THRAP3: variants seen among roughly 807,000 people sequenced by gnomAD.
THRAP3 encodes the protein thyroid hormone receptor-associated protein 3.
THRAP3 carries 16 observed loss-of-function variants against 101.0 expected under a neutral mutation model. That is an observed-to-expected ratio of 0.16 (90% CI 0.11 to 0.24). The LOEUF (loss-of-function observed/expected upper bound fraction) is 0.24, where lower values mean the gene tolerates loss of function less well. Ranked by LOEUF, THRAP3 falls within the 10% of genes least tolerant of loss-of-function variation. The pLI is 1.00. For missense variants in THRAP3, 989 were observed against 1,202.7 expected (o/e 0.82, Z 2.63); for synonymous variants, 407 against 422.6 (o/e 0.96, Z 0.45).
At chr1:36,243,488 A>C (rs1349041925) in intron 1 of THRAP3, among the ~76,000 whole-genome samples, 2 of 152,094 alleles carry the variant, frequency 1.3e-5, no homozygotes, top group Non-Finnish European at 2.9e-5. Context: ...GATACAGCAC[A>C]TGTTTCAGAG....
intron 1 of THRAP3, among the ~76,000 whole-genome samples, chr1:36,229,757 A>G (rs1282869717): frequency 6.6e-6 from 1 of 151,656 alleles, no homozygotes; most frequent in Non-Finnish European, 1.5e-5. Context: ...GGTTCAAGTG[A>G]TTCTCCTGCC....
Position 36,289,495 on chromosome 1 carries a change from G to A in THRAP3, c.1476G>A (p.Glu492=), listed in dbSNP as rs1645837926. Residue 492 remains glutamate (E), a synonymous_variant, in exon 5 of 12, where the codon GAG becomes GAA. Transcript: ENST00000354618. ...EKQRKTEELE[E]ESFPERSKKE... ...AGAGAAAAACAGAGGAGCTGGAGGA[G>A]GAGTCTTTCCCAGAGAGATCCAAAA... 2 of 1,614,226 alleles carry A rather than the reference G, an allele frequency of 1.2e-6. No individual in the cohort carries two copies. The highest frequency in any genetic ancestry group is 1.7e-6 in the Non-Finnish European group (2 of 1,180,036).
intron 1 of THRAP3, among the ~76,000 whole-genome samples, chr1:36,229,423 GTTTTTTT>G (rs35936037): frequency 2.1e-4 from 8 of 38,942 alleles, no homozygotes; most frequent in South Asian, 9.4e-4. Context: ...TTTTTTTTTT[GTTTTTTT>G]TTTTTTGAGA....
At position 36,304,409 on chromosome 1, in the gene THRAP3, A is replaced by G; in HGVS notation, c.*392A>G. On this transcript the variant is annotated 3_prime_UTR_variant, in exon 12 of 12. Coordinates refer to ENST00000354618, the MANE Select transcript of THRAP3 (RefSeq NM_005119.4). ...AAGATGACTAATTTGATGATTTTCG[A>G]TCTCTTTTCCCCTGTCCTGATTTTA... 4.6e-6 allele frequency: 1 copy of G among 218,094 alleles called. No individual in the cohort carries two copies. Among genetic ancestry groups the G allele is most frequent in the Non-Finnish European group, 8.8e-6 (1 of 113,800 alleles). The allele number at this position is 218,094 out of a possible 1,614,324, so 13.5% of individuals were successfully genotyped here.
intron 1 of THRAP3, among the ~76,000 whole-genome samples, chr1:36,248,961 G>A (rs1279597379): frequency 2.0e-5 from 3 of 150,104 alleles, no homozygotes; most frequent in Admixed American, 2.0e-4. Flanking sequence ...GTGCAGTGGC[G>A]TGATCCTCAG....
chr1:36,235,552 C>G (rs899320151), intron 1 of THRAP3, among the ~76,000 whole-genome samples: 10 of 151,976 alleles, frequency 6.6e-5, no homozygotes, highest in African/African-American at 2.2e-4. Context: ...CAGAGAGATA[C>G]AGATGAAATT....
In THRAP3 at chr1:36,273,288, G is replaced by A. The variant is rs188526864; in HGVS notation, c.-31-9245G>A. ...TGAGGCCTGGTTAGAGGGATAAGGA[G>A]CGCAGGCTCACATGGAGTCAGTTCT... is the stretch of plus-strand genomic sequence containing the variant. On this transcript the variant is annotated intron_variant, in intron 2 of 11. Coordinates refer to ENST00000354618, the MANE Select transcript of THRAP3 (RefSeq NM_005119.4). Among the ~76,000 whole-genome samples the A allele has an allele frequency of 3.2e-3, 488 of 152,356 alleles. 4 individuals carry two copies. Among genetic ancestry groups the A allele is most frequent in the African/African-American group, 0.011 (469 of 41,584 alleles).
intron 5 of THRAP3, 134 bp from the exon 6 acceptor site, chr1:36,291,240 G>C: frequency 1.2e-6 from 1 of 862,574 alleles, no homozygotes; most frequent in Admixed American, 2.8e-5. Flanking sequence ...TGCACTGAGG[G>C]TTACTTTCAA....
At chr1:36,296,837 C>G in intron 9 of THRAP3, 67 bp downstream of exon 9, 1 of 1,305,972 alleles carries the variant, frequency 7.7e-7, no homozygotes, top group Admixed American at 2.8e-5. Flanking sequence ...GGGCTATACA[C>G]CAGAACTTTC....
chr1:36,262,959 A>ATTTTTTTTTTTTTTTTTT (rs55662646), intron 2 of THRAP3, among the ~76,000 whole-genome samples: 2 of 104,364 alleles, frequency 1.9e-5, no homozygotes, highest in Non-Finnish European at 3.8e-5. Context: ...GGGCCGGCTA[A>ATTTTTTTTTTTTTTTTTT]TTTTTTTTTT....
chr1:36,257,398 A>C (rs1308014363), intron 1 of THRAP3, among the ~76,000 whole-genome samples: 3 of 152,282 alleles, frequency 2.0e-5, no homozygotes, highest in African/African-American at 7.2e-5. Context: ...GTACTTAATA[A>C]ATTATTTGTT....
rs553512238 is a variant in THRAP3 at position 36,303,957 on chromosome 1, C to T, written c.2808C>T (p.Asp936=). The change falls in exon 12 of 12, where the codon GAC becomes GAT. Residue 936 remains aspartate, a synonymous_variant. Coordinates refer to ENST00000354618, the MANE Select transcript of THRAP3 (RefSeq NM_005119.4). ...KFSGEEGEIE[D]DESGTENREE... ...GTGGGGAGGAAGGGGAGATTGAAGACGACGAGAGTGGGACAGAGAACCGAG... is the reference window on the plus strand; with the variant it reads ...GTGGGGAGGAAGGGGAGATTGAAGATGACGAGAGTGGGACAGAGAACCGAG... 2.9e-4 allele frequency: 463 copies of T among 1,611,060 alleles called. 5 individuals carry two copies. In the South Asian group the frequency reaches 4.6e-3, roughly 16 times the overall value.
chr1:36,231,201 A>G (rs1645024047), intron 1 of THRAP3, among the ~76,000 whole-genome samples: 1 of 150,262 alleles, frequency 6.7e-6, no homozygotes, highest in South Asian at 2.1e-4. Context: ...TTTCTTCTTA[A>G]AAAAAAAAAG....
the THRAP3 span, among the ~76,000 whole-genome samples, chr1:36,213,009 G>A: frequency 0.12 from 18,698 of 152,122 alleles, 2,683 homozygotes; most frequent in African/African-American, 0.35. Context: ...TATGGTCAAG[G>A]CAAGAACACA....
At chr1:36,269,182 GT>G (rs1251967677) in intron 2 of THRAP3, among the ~76,000 whole-genome samples, 10 of 152,210 alleles carry the variant, frequency 6.6e-5, no homozygotes, top group African/African-American at 2.2e-4. Context: ...ACACAGGAGT[GT>G]TTTTGCTGAT....
chr1:36,229,412 GTTTTTT>G (rs1453155517), intron 1 of THRAP3, among the ~76,000 whole-genome samples: 2 of 81,004 alleles, frequency 2.5e-5, no homozygotes, highest in South Asian at 9.6e-4. Context: ...TTTTTTTTTT[GTTTTTT>G]TTTTGTTTTT....
intron 8 of THRAP3, among the ~76,000 whole-genome samples, chr1:36,295,004 A>G (rs1245149302): frequency 6.6e-6 from 1 of 152,126 alleles, no homozygotes; most frequent in East Asian, 1.9e-4. Context: ...TGGGTGGATC[A>G]CCTGAGGTCG....
At chr1:36,223,945 G>A (rs939299830), upstream of THRAP3, among the ~76,000 whole-genome samples, 5 of 152,224 alleles carry the variant, frequency 3.3e-5, no homozygotes, top group Non-Finnish European at 7.3e-5. Flanking sequence ...CTGTGGGGTA[G>A]AAATTACAAG....
At chr1:36,278,459 T>C (rs1645689812) in intron 2 of THRAP3, among the ~76,000 whole-genome samples, 2 of 152,312 alleles carry the variant, frequency 1.3e-5, no homozygotes, top group South Asian at 4.1e-4. Context: ...TCAAGGACCA[T>C]TGATCTGCTT....
Sources: allele counts gnomAD v4.1 joint callset (sites outside exome capture counted in the v4.1 genomes callset), GRCh38; gene constraint gnomAD v4.1.1; transcripts MANE v1.5; gene names NCBI Gene and HGNC (gene_info 2026-07-23, HGNC 2026-07-21).